The following GTF2B variants were observed in gnomAD, a reference collection of about 807,000 sequenced individuals.
GTF2B encodes transcription initiation factor IIB.
A neutral mutation model predicts 34.6 loss-of-function variants in GTF2B; 20 were observed. The ratio of observed to expected loss-of-function variants is 0.58; its 90% CI spans 0.41 to 0.84. GTF2B has a LOEUF of 0.84. GTF2B is among the 40% of genes least tolerant of loss of function. The pLI, the probability that GTF2B is intolerant of heterozygous loss-of-function variation, is 0.00. For missense variants in GTF2B, 237 were observed against 393.3 expected, an observed-to-expected ratio of 0.60 and a Z score of 3.36; for synonymous variants, 142 against 132.4, an observed-to-expected ratio of 1.07 and a Z score of -0.50.
At position 88,868,885 on chromosome 1, in the gene GTF2B, A is replaced by G. The variant is rs146310598; in HGVS notation, c.125-4771T>C. On this transcript the variant is annotated intron_variant, in intron 2 of 6. Transcript: ENST00000370500. ...CGAGTAGCTGGGACTACAGGCGCCC[A>G]CCACAATGCCTGACTAATTTTTTTG... Among the ~76,000 whole-genome samples, 756 of 151,964 alleles carry G rather than the reference A, an allele frequency of 5.0e-3. 6 individuals carry two copies. The highest frequency in any genetic ancestry group is 0.018 in the African/African-American group (735 of 41,458).
chr1:88,875,924 A>C (rs1241677482), intron 2 of GTF2B, among the ~76,000 whole-genome samples: 1 of 152,184 alleles, frequency 6.6e-6, no homozygotes, highest in Non-Finnish European at 1.5e-5. Context: ...AGAAGATGGG[A>C]ATCTTGAGCT....
At chr1:88,890,874 G>C (rs527356136) in intron 1 of GTF2B, among the ~76,000 whole-genome samples, 104 of 152,114 alleles carry the variant, frequency 6.8e-4, no homozygotes, top group Admixed American at 1.2e-3. Flanking sequence ...GAAGTACACA[G>C]GCAACGATAT....
chr1:88,891,463 G>A lies in GTF2B; in HGVS notation c.17+20C>T. On this transcript the variant is annotated intron_variant, in intron 1 of 6. Transcript: ENST00000370500. Reference sequence around the variant, plus strand: ...TCGCGCCCGCCCCTCAGCTCGCCGGGCTCGGCGGGACATACTAACCGGCTG... The same window carrying A: ...TCGCGCCCGCCCCTCAGCTCGCCGGACTCGGCGGGACATACTAACCGGCTG... The A allele has an allele frequency of 1.9e-6, 3 of 1,596,204 alleles. No individual in the cohort carries two copies. Among genetic ancestry groups the A allele is most frequent in the Admixed American group, 1.7e-5 (1 of 58,102 alleles).
intron 1 of GTF2B, among the ~76,000 whole-genome samples, chr1:88,891,161 A>G (rs10801689): frequency 0.36 from 33,645 of 94,044 alleles, 7,538 homozygotes; most frequent in African/African-American, 0.44. Context: ...GAGGGTGGGA[A>G]GAAGAGAAAA....
chr1:88,859,127 A>G (rs115549909), intron 5 of GTF2B, among the ~76,000 whole-genome samples: 1,783 of 152,164 alleles, frequency 0.012, 25 homozygotes, highest in Non-Finnish European at 0.013. Context: ...CGGCCTCCCA[A>G]AGTTCTGGGA....
At chr1:88,882,047 C>T (rs962321337) in intron 2 of GTF2B, among the ~76,000 whole-genome samples, 9 of 152,018 alleles carry the variant, frequency 5.9e-5, no homozygotes, top group East Asian at 1.9e-4. Context: ...CCATAGCTCA[C>T]GCCTGTAAAC....
intron 3 of GTF2B, among the ~76,000 whole-genome samples, chr1:88,862,887 G>T (rs1327155117): frequency 1.3e-5 from 2 of 151,252 alleles, no homozygotes; most frequent in Non-Finnish European, 1.5e-5. Flanking sequence ...CACCCACCTC[G>T]GCCTCCCAAA....
At chr1:88,860,632 T>C (rs1673412617) in intron 3 of GTF2B, among the ~76,000 whole-genome samples, 1 of 152,070 alleles carries the variant, frequency 6.6e-6, no homozygotes, top group South Asian at 2.1e-4. Flanking sequence ...CAACTAGAGA[T>C]TGTTCCACAA....
rs918010606 is a variant in GTF2B at position 88,887,739 on chromosome 1, C to T, written c.18-372G>A. ...ATTACCATCCAGTTTGTGCTCTTTG[C>T]CACTTATTTCTCTAGTCAGAGAACA... On this transcript the variant is annotated intron_variant, in intron 1 of 6. Transcript: ENST00000370500. The T allele has an allele frequency of 2.1e-5, 5 of 234,354 alleles. No homozygotes were observed. In the South Asian group the frequency reaches 2.5e-4, roughly 12 times the overall value. The allele number at this position is 234,354 out of a possible 1,614,324, so 14.5% of individuals were successfully genotyped here. A position where few individuals can be genotyped will look rare whatever the true frequency, so the allele number is the denominator to read the frequency against.
chr1:88,855,139 T>C (rs1379899251), intron 6 of GTF2B, among the ~76,000 whole-genome samples: 3 of 152,212 alleles, frequency 2.0e-5, no homozygotes, highest in Non-Finnish European at 4.4e-5. Flanking sequence ...ACTGCCTAGC[T>C]GCAACTTCTC....
intron 2 of GTF2B, among the ~76,000 whole-genome samples, chr1:88,882,473 A>G (rs1189540389): frequency 6.6e-6 from 1 of 152,202 alleles, no homozygotes; most frequent in African/African-American, 2.4e-5. Context: ...TGAAGGGTTA[A>G]GCAAACATTT....
At chr1:88,874,518 T>A (rs1161121222) in intron 2 of GTF2B, among the ~76,000 whole-genome samples, 1 of 146,476 alleles carries the variant, frequency 6.8e-6, no homozygotes, top group East Asian at 2.0e-4. Context: ...TTTTTTTTTT[T>A]TTTTTTTACA....
chr1:88,880,162 T>C (rs1673904522), intron 2 of GTF2B, among the ~76,000 whole-genome samples: 1 of 152,208 alleles, frequency 6.6e-6, no homozygotes, highest in Admixed American at 6.5e-5. Flanking sequence ...TCTAAAAAGT[T>C]TCAGACAATG....
At chr1:88,880,734 C>T (rs1389527393) in intron 2 of GTF2B, among the ~76,000 whole-genome samples, 2 of 152,062 alleles carry the variant, frequency 1.3e-5, no homozygotes, top group African/African-American at 4.8e-5. Context: ...GGGCCTGGCG[C>T]AGTGGCTCAC....
At chr1:88,889,922 C>T (rs900853433) in intron 1 of GTF2B, among the ~76,000 whole-genome samples, 2 of 151,986 alleles carry the variant, frequency 1.3e-5, no homozygotes, top group Admixed American at 1.3e-4. Flanking sequence ...TACCTATGGT[C>T]CCAGCTACTC....
intron 2 of GTF2B, among the ~76,000 whole-genome samples, chr1:88,886,071 T>C (rs933162057): frequency 2.6e-5 from 4 of 152,190 alleles, no homozygotes; most frequent in African/African-American, 9.6e-5. Flanking sequence ...TGAGTGAATA[T>C]GTAAATCATT....
intron 2 of GTF2B, among the ~76,000 whole-genome samples, chr1:88,881,457 T>C (rs558864452): frequency 3.9e-4 from 59 of 152,286 alleles, no homozygotes; most frequent in African/African-American, 1.4e-3. Context: ...TATATACAGG[T>C]GTTTATGTCA....
chr1:88,880,061 C>A (rs1448188642), intron 2 of GTF2B, among the ~76,000 whole-genome samples: 5 of 150,568 alleles, frequency 3.3e-5, no homozygotes, highest in African/African-American at 1.2e-4. Flanking sequence ...TCCTCCATCT[C>A]AAAAAAATAA....
intron 2 of GTF2B, among the ~76,000 whole-genome samples, chr1:88,871,261 T>C (rs899810919): frequency 5.3e-5 from 8 of 152,224 alleles, no homozygotes; most frequent in African/African-American, 1.9e-4. Flanking sequence ...TATTATACTT[T>C]AATACTTACA....
Sources: allele counts gnomAD v4.1 joint callset (sites outside exome capture counted in the v4.1 genomes callset), GRCh38; gene constraint gnomAD v4.1.1; transcripts MANE v1.5; gene names NCBI Gene and HGNC (gene_info 2026-07-23, HGNC 2026-07-21).